The following ATP6V1C2 variants were observed in gnomAD, a reference collection of about 807,000 sequenced individuals.
ATP6V1C2 encodes V-type proton ATPase subunit C 2.
Under a neutral mutation model 56.8 loss-of-function variants are expected in ATP6V1C2, and 45 were observed. That is an observed-to-expected ratio of 0.79 (90% CI 0.62 to 1.02). The LOEUF is 1.02. ATP6V1C2 is among the 50% of genes least tolerant of loss of function. The pLI is 0.00. For synonymous variants in ATP6V1C2, 220 were observed against 201.3 expected, an observed-to-expected ratio of 1.09 and a Z score of -0.79; for missense variants, 463 against 519.7, an observed-to-expected ratio of 0.89 and a Z score of 1.06.
chr2:10,727,048 CCTT>C (rs60385462), intron 3 of ATP6V1C2, among the ~76,000 whole-genome samples: 3,492 of 149,446 alleles, frequency 0.023, 153 homozygotes, highest in African/African-American at 0.084. Flanking sequence ...TTCCTTCCTT[CCTT>C]CCTCCCTCCC....
intron 3 of ATP6V1C2, among the ~76,000 whole-genome samples, chr2:10,752,879 C>T (rs1663299464): frequency 6.6e-6 from 1 of 152,054 alleles, no homozygotes; most frequent in South Asian, 2.1e-4. Flanking sequence ...CTCTGTAATC[C>T]CCGCTACTTG....
intron 6 of ATP6V1C2, among the ~76,000 whole-genome samples, chr2:10,769,633 G>T (rs975229374): frequency 6.6e-6 from 1 of 152,154 alleles, no homozygotes; most frequent in Non-Finnish European, 1.5e-5. Context: ...GAACCTGGCA[G>T]ACAGAGGTTG....
chr2:10,784,716 A>C lies in ATP6V1C2; in HGVS notation c.*1453A>C, dbSNP rs1299890745. The C allele has an allele frequency of 1.8e-6, 1 of 552,228 alleles. No homozygotes were observed. 34.2% of individuals were successfully genotyped at this position (552,228 alleles called of 1,614,324 possible). On this transcript the variant is annotated 3_prime_UTR_variant, in exon 14 of 14. Transcript: ENST00000272238. ...AATCAGGAAAGCAACCTTACTACTG[A>C]AATGTATCTTGGCTGTCAAGAGTAT...
chr2:10,741,688 C>T (rs1431327209), intron 3 of ATP6V1C2, among the ~76,000 whole-genome samples: 1 of 110,048 alleles, frequency 9.1e-6, no homozygotes, highest in Non-Finnish European at 1.9e-5. Flanking sequence ...AGTGAAGTGA[C>T]CTGGGGCAAG....
Position 10,784,895 on chromosome 2 carries a change from A to G in ATP6V1C2, c.*1632A>G, listed in dbSNP as rs1478673659. 7.1e-7 allele frequency: 1 copy of G among 1,399,146 alleles called. No homozygotes were observed. Among genetic ancestry groups the G allele is most frequent in the South Asian group, 1.2e-5 (1 of 81,294 alleles). 86.7% of individuals were successfully genotyped at this position (1,399,146 alleles called of 1,614,324 possible). On this transcript the variant is annotated 3_prime_UTR_variant, in exon 14 of 14. Coordinates refer to ENST00000272238, the MANE Select transcript of ATP6V1C2 (RefSeq NM_001039362.2). The stretch of plus-strand genomic sequence containing the variant: ...ATGCACAGGCTCAAGAGAGTAAACC[A>G]GGACTGCTGCCCGCACAGCTTCCCT...
intron 8 of ATP6V1C2, among the ~76,000 whole-genome samples, chr2:10,773,906 A>T (rs965745734): frequency 6.6e-6 from 1 of 152,176 alleles, no homozygotes; most frequent in East Asian, 1.9e-4. Context: ...GAACAGGACA[A>T]TCACAGCCCG....
intron 2 of ATP6V1C2, among the ~76,000 whole-genome samples, chr2:10,723,295 G>A (rs935219784): frequency 6.6e-6 from 1 of 152,186 alleles, no homozygotes; most frequent in Non-Finnish European, 1.5e-5. Flanking sequence ...GTTCTCTTGG[G>A]TGTTCCTCTG....
Position 10,764,434 on chromosome 2 carries a change from A to C in ATP6V1C2, c.378+9A>C, listed in dbSNP as rs747496238. On this transcript the variant is annotated intron_variant, in intron 5 of 13. Transcript: ENST00000272238. Reference sequence around the variant, plus strand: ...TGGACACAATAGCCAAGGTGAGAAAAGGGACTGCTCTGGGGAACAGCTGAC... The same window carrying C: ...TGGACACAATAGCCAAGGTGAGAAACGGGACTGCTCTGGGGAACAGCTGAC... 1 of 1,612,034 alleles carries C rather than the reference A, an allele frequency of 6.2e-7. No individual in the cohort carries two copies. The highest frequency in any genetic ancestry group is 8.5e-7 in the Non-Finnish European group (1 of 1,178,210).
chr2:10,722,543 T>A (rs1336509005), intron 1 of ATP6V1C2, among the ~76,000 whole-genome samples: 1 of 152,058 alleles, frequency 6.6e-6, no homozygotes, highest in African/African-American at 2.4e-5. Flanking sequence ...TGATGCCTGA[T>A]AGGGGTTGTT....
At chr2:10,783,133 T>G in intron 13 of ATP6V1C2, 41 bp from the exon 14 acceptor site, 1 of 1,491,990 alleles carries the variant, frequency 6.7e-7, no homozygotes, top group Non-Finnish European at 9.3e-7. Context: ...GACAGGAAAC[T>G]AGTTTATGCA....
At chr2:10,745,967 C>G (rs774069221) in intron 3 of ATP6V1C2, among the ~76,000 whole-genome samples, 1 of 152,166 alleles carries the variant, frequency 6.6e-6, no homozygotes, top group Non-Finnish European at 1.5e-5. Context: ...TGACTAGTGC[C>G]GCATCGTATG....
chr2:10,727,505 A>G (rs1025194020), intron 3 of ATP6V1C2, among the ~76,000 whole-genome samples: 3 of 151,982 alleles, frequency 2.0e-5, no homozygotes, highest in African/African-American at 7.3e-5. Context: ...GCAGTGAGCT[A>G]TGGTTGTGCC....
chr2:10,742,206 G>A (rs1055466791), intron 3 of ATP6V1C2, among the ~76,000 whole-genome samples: 1 of 152,126 alleles, frequency 6.6e-6, no homozygotes, highest in African/African-American at 2.4e-5. Context: ...CACCACGCTG[G>A]CCTTTCTGGG....
At position 10,773,212 on chromosome 2, in the gene ATP6V1C2, C is replaced by T. The variant is rs563596358; in HGVS notation, c.638+602C>T. The stretch of plus-strand genomic sequence containing the variant: ...GGGTCTGAAATGGATGTGAAATGGG[C>T]GTGACTCGGGCACACACAGGTGCAC... On this transcript the variant is annotated intron_variant, in intron 8 of 13. Transcript: ENST00000272238. Among the ~76,000 whole-genome samples the T allele has an allele frequency of 6.6e-5, 10 of 152,236 alleles. No individual in the cohort carries two copies. In the East Asian group the frequency reaches 9.6e-4, roughly 15 times the overall value.
At chr2:10,757,253 TC>T (rs1178427954) in intron 4 of ATP6V1C2, among the ~76,000 whole-genome samples, 6 of 152,074 alleles carry the variant, frequency 3.9e-5, no homozygotes, top group Non-Finnish European at 8.8e-5. Context: ...CCTCAGGTGA[TC>T]CGCCAGCCTC....
intron 2 of ATP6V1C2, among the ~76,000 whole-genome samples, chr2:10,723,404 G>T (rs1429243526): frequency 6.6e-6 from 1 of 152,088 alleles, no homozygotes; most frequent in Non-Finnish European, 1.5e-5. Context: ...CTTGACCTGG[G>T]GGCAGGGGAG....
intron 10 of ATP6V1C2, 133 bp from the exon 11 acceptor site, chr2:10,777,452 C>A: frequency 8.6e-7 from 1 of 1,162,482 alleles, no homozygotes; most frequent in Non-Finnish European, 1.2e-6. Context: ...TCTAGTCTAG[C>A]CAGCACGCGA....
rs1052465646 is a variant in ATP6V1C2 at position 10,780,422 on chromosome 2, G to A, written c.1061+1753G>A. Among the ~76,000 whole-genome samples the A allele has an allele frequency of 6.6e-6, 1 of 152,154 alleles. No individual in the cohort carries two copies. Among genetic ancestry groups the A allele is most frequent in the Non-Finnish European group, 1.5e-5 (1 of 68,032 alleles). ...CCATGTGGCTGTCAGTGTGTGGTCT[G>A]CCCAGATACAGATCTGACCTTGGTT... On this transcript the variant is annotated intron_variant, in intron 12 of 13. Transcript: ENST00000272238. This position sits in a 1 kb window ranked among gnomAD's most constrained non-coding sequence, Gnocchi z 4.1.
intron 3 of ATP6V1C2, among the ~76,000 whole-genome samples, 198 bp downstream of exon 3, chr2:10,726,767 C>T (rs559464911): frequency 2.0e-5 from 3 of 152,276 alleles, no homozygotes; most frequent in Admixed American, 6.5e-5. Flanking sequence ...GTTTTGTCTG[C>T]TGGAGGCAGC....
Sources: allele counts gnomAD v4.1 joint callset (sites outside exome capture counted in the v4.1 genomes callset), GRCh38; gene constraint gnomAD v4.1.1; non-coding constraint Gnocchi (gnomAD v3.1); transcripts MANE v1.5; gene names NCBI Gene and HGNC (gene_info 2026-07-23, HGNC 2026-07-21).